RERG: variants seen among roughly 807,000 people sequenced by gnomAD.
RERG encodes ras-related and estrogen-regulated growth inhibitor.
Under a neutral mutation model 23.2 loss-of-function variants are expected in RERG, and 25 were observed. The observed-to-expected ratio is 1.08, with a 90% CI of 0.79 to 1.50. The LOEUF is 1.50. RERG is among the 40% of genes most tolerant of loss of function. RERG has a pLI of 0.00. For missense variants in RERG, 253 were observed against 250.1 expected (o/e 1.01, Z -0.08); for synonymous variants, 81 against 89.1 (o/e 0.91, Z 0.51).
At chr12:15,142,434 A>G (rs939803837) in intron 2 of RERG, among the ~76,000 whole-genome samples, 34 of 152,058 alleles carry the variant, frequency 2.2e-4, no homozygotes, top group Non-Finnish European at 4.9e-4. Context: ...TTATAGGAAA[A>G]TTTCACTTTA....
intron 2 of RERG, among the ~76,000 whole-genome samples, chr12:15,130,735 C>T (rs1342644585): frequency 6.6e-6 from 1 of 152,110 alleles, no homozygotes; most frequent in Non-Finnish European, 1.5e-5. Flanking sequence ...TTGCTTAAGC[C>T]TGAAAATTTT....
At chr12:15,121,213 C>G in intron 2 of RERG, 94 bp from the exon 3 acceptor site, 1 of 812,206 alleles carries the variant, frequency 1.2e-6, no homozygotes, top group Admixed American at 2.5e-5. Flanking sequence ...CCACACAACC[C>G]TATAAATGCT....
chr12:15,216,366 A>G (rs1965645044), intron 2 of RERG, among the ~76,000 whole-genome samples: 1 of 152,228 alleles, frequency 6.6e-6, no homozygotes, highest in Admixed American at 6.5e-5. Flanking sequence ...TCTTGAGAAA[A>G]TTAAAAGAAA....
At chr12:15,151,160 C>A (rs1864435684) in intron 2 of RERG, among the ~76,000 whole-genome samples, 1 of 152,094 alleles carries the variant, frequency 6.6e-6, no homozygotes, top group African/African-American at 2.4e-5. Flanking sequence ...GATTTTTTTC[C>A]TCTGTATTTT....
intron 2 of RERG, among the ~76,000 whole-genome samples, chr12:15,140,539 G>A (rs1864220574): frequency 7.0e-6 from 1 of 143,328 alleles, no homozygotes; most frequent in Non-Finnish European, 1.5e-5. Flanking sequence ...TCTGGCCTAT[G>A]TAATGTTTTT....
chr12:15,219,916 T>C (rs1352052700), intron 1 of RERG, among the ~76,000 whole-genome samples: 1 of 152,088 alleles, frequency 6.6e-6, no homozygotes, highest in Non-Finnish European at 1.5e-5. Context: ...GAAAGAGAAA[T>C]TGTGTGGGCT....
chr12:15,151,696 G>A (rs983426118), intron 2 of RERG, among the ~76,000 whole-genome samples: 5 of 152,182 alleles, frequency 3.3e-5, no homozygotes, highest in Admixed American at 2.0e-4. Context: ...AGAGGGCACT[G>A]CCAGAATATA....
At chr12:15,177,842 T>TG (rs1236664335) in intron 2 of RERG, among the ~76,000 whole-genome samples, 5 of 148,008 alleles carry the variant, frequency 3.4e-5, no homozygotes, top group African/African-American at 1.0e-4. Context: ...TCTGTTTGTT[T>TG]TTTTTTTTTT....
chr12:15,150,536 G>A (rs1314113790), intron 2 of RERG, among the ~76,000 whole-genome samples: 3 of 152,196 alleles, frequency 2.0e-5, no homozygotes, highest in South Asian at 2.1e-4. Context: ...ATATATCATC[G>A]TAATATGTTA....
chr12:15,199,926 G>T (rs1171995093), intron 2 of RERG, among the ~76,000 whole-genome samples: 1 of 151,788 alleles, frequency 6.6e-6, no homozygotes, highest in Non-Finnish European at 1.5e-5. Flanking sequence ...CTCCTTCATT[G>T]TAAAAAAATT....
chr12:15,189,645 A>C (rs1275799786), intron 2 of RERG, among the ~76,000 whole-genome samples: 1 of 152,150 alleles, frequency 6.6e-6, no homozygotes, highest in Non-Finnish European at 1.5e-5. Context: ...GTTCATTGCT[A>C]TATTCCCATA....
At chr12:15,215,520 GAAA>G (rs960859786) in intron 2 of RERG, among the ~76,000 whole-genome samples, 2 of 152,116 alleles carry the variant, frequency 1.3e-5, no homozygotes, top group Non-Finnish European at 2.9e-5. Flanking sequence ...ATCAGAACTG[GAAA>G]ATGATCATTA....
intron 1 of RERG, among the ~76,000 whole-genome samples, chr12:15,218,355 T>C (rs1865470986): frequency 6.6e-6 from 1 of 151,994 alleles, no homozygotes; most frequent in Non-Finnish European, 1.5e-5. Context: ...GCTTTAGGAG[T>C]GACATCTAGG....
chr12:15,207,745 AGAAGAGACTCAGGCAT>A (rs1865311958), intron 2 of RERG, among the ~76,000 whole-genome samples: 1 of 134,190 alleles, frequency 7.5e-6, no homozygotes, highest in African/African-American at 3.9e-5. Context: ...AGACTATAGA[AGAAGAGACTCAGGCAT>A]GAGTCAAGGC....
chr12:15,188,340 T>C (rs1865022530), intron 2 of RERG, among the ~76,000 whole-genome samples: 1 of 152,156 alleles, frequency 6.6e-6, no homozygotes, highest in African/African-American at 2.4e-5. Context: ...CAAGCTTGGG[T>C]AACCACTGTT....
chr12:15,124,815 T>C (rs983981217), intron 2 of RERG, among the ~76,000 whole-genome samples: 2 of 151,944 alleles, frequency 1.3e-5, no homozygotes, highest in South Asian at 4.1e-4. Context: ...ACTAAAAGTG[T>C]TTAAAATGGC....
chr12:15,149,161 G>A (rs1250436456), intron 2 of RERG, among the ~76,000 whole-genome samples: 4 of 151,842 alleles, frequency 2.6e-5, no homozygotes, highest in Non-Finnish European at 4.4e-5. Flanking sequence ...GAGCCACCGC[G>A]CCCAGCCTGC....
At chr12:15,138,244 C>T (rs983705689) in intron 2 of RERG, 3 of 164,616 alleles carry the variant, frequency 1.8e-5, no homozygotes, top group Non-Finnish European at 4.0e-5. Flanking sequence ...ATTATTTTTT[C>T]AAATACTTCT....
rs772353150 is a variant in RERG at position 15,212,042 on chromosome 12, C to CTTTTTTTTTT, written c.61+5377_61+5386dup. On this transcript the variant is annotated intron_variant, in intron 2 of 4. Transcript: ENST00000256953. ...ATGTGATATTAGAGCCACGAATAAACTTTTTTTTTTTTTTTTTTTTTTTTT... is the reference window on the plus strand; with the variant it reads ...ATGTGATATTAGAGCCACGAATAAACTTTTTTTTTTTTTTTTTTTTTTTTTTTTTTTTTTT... Among the ~76,000 whole-genome samples the CTTTTTTTTTT allele has an allele frequency of 7.6e-4, 49 of 64,716 alleles. 4 individuals are homozygous for CTTTTTTTTTT. Among genetic ancestry groups the CTTTTTTTTTT allele is most frequent in the Middle Eastern group, 9.8e-3 (1 of 102 alleles). The allele number at this position is 64,716 out of a possible 152,430, so 42.5% of individuals were successfully genotyped here.
Sources: gnomAD v4.1 joint callset for allele counts (sites outside exome capture counted in the v4.1 genomes callset) on GRCh38, gnomAD v4.1.1 for gene constraint, MANE v1.5 for transcripts, NCBI Gene and HGNC (gene_info 2026-07-23, HGNC 2026-07-21) for gene names.